Variants in CNBD1 observed in about 807,000 individuals in gnomAD.
The protein encoded by CNBD1 is cyclic nucleotide-binding domain-containing protein 1.
A neutral mutation model predicts 54.4 loss-of-function variants in CNBD1; 71 were observed. That is an observed-to-expected ratio of 1.30 (90% confidence interval 1.08 to 1.59). The LOEUF is 1.59. CNBD1 is among the 40% of genes most tolerant of loss of function. The pLI, the probability that CNBD1 is intolerant of heterozygous loss-of-function variation, is 0.00. For missense variants in CNBD1, 659 were observed against 518.0 expected, an observed-to-expected ratio of 1.27 and a Z score of -2.64; for synonymous variants, 182 against 170.7, an observed-to-expected ratio of 1.07 and a Z score of -0.51.
chr8:86,904,001 G>A (rs1808978325), intron 2 of CNBD1, among the ~76,000 whole-genome samples: 1 of 151,864 alleles, frequency 6.6e-6, no homozygotes, highest in South Asian at 2.1e-4. Context: ...ATCATATTGT[G>A]TTGTTTGAAT....
chr8:86,968,854 G>A (rs895616176), intron 4 of CNBD1, among the ~76,000 whole-genome samples: 2 of 152,192 alleles, frequency 1.3e-5, no homozygotes, highest in African/African-American at 2.4e-5. Context: ...TCTCAGGTGA[G>A]TGGAGGAATG....
intron 4 of CNBD1, among the ~76,000 whole-genome samples, chr8:87,162,635 A>G (rs1261849847): frequency 1.3e-5 from 2 of 152,084 alleles, no homozygotes; most frequent in African/African-American, 2.4e-5. Flanking sequence ...AAAAACATAA[A>G]TTAATTTTTC....
intron 8 of CNBD1, among the ~76,000 whole-genome samples, chr8:87,313,009 T>A (rs1809301661): frequency 6.6e-6 from 1 of 152,060 alleles, no homozygotes; most frequent in East Asian, 1.9e-4. Context: ...TTTTGAATTA[T>A]TTTCATTATG....
At chr8:87,399,696 C>T (rs909250279) in intron 2 of CNBD1, among the ~76,000 whole-genome samples, 1 of 151,976 alleles carries the variant, frequency 6.6e-6, no homozygotes, top group Non-Finnish European at 1.5e-5. Context: ...TAAGGCATCC[C>T]TGACCAGTGA....
intron 4 of CNBD1, among the ~76,000 whole-genome samples, chr8:87,006,398 C>A (rs1387748387): frequency 6.6e-6 from 1 of 152,018 alleles, no homozygotes; most frequent in Non-Finnish European, 1.5e-5. Context: ...GCCATTTTTG[C>A]ATTACTATAA....
At chr8:87,268,456 G>C (rs1010482735) in intron 6 of CNBD1, among the ~76,000 whole-genome samples, 5 of 151,918 alleles carry the variant, frequency 3.3e-5, no homozygotes, top group Non-Finnish European at 7.4e-5. Flanking sequence ...ATTTTCCTTT[G>C]GGTATATACC....
At chr8:86,976,431 T>G (rs1303371135) in intron 4 of CNBD1, among the ~76,000 whole-genome samples, 1 of 151,938 alleles carries the variant, frequency 6.6e-6, no homozygotes, top group Non-Finnish European at 1.5e-5. Flanking sequence ...GGGTTCAACT[T>G]TATTATTCTG....
At chr8:87,073,669 C>G (rs1669298854) in intron 4 of CNBD1, among the ~76,000 whole-genome samples, 1 of 152,106 alleles carries the variant, frequency 6.6e-6, no homozygotes, top group Non-Finnish European at 1.5e-5. Context: ...AAGATGGCAG[C>G]CTGCTCCTTC....
chr8:87,047,961 AG>A (rs1810233536), intron 4 of CNBD1, among the ~76,000 whole-genome samples: 1 of 152,170 alleles, frequency 6.6e-6, no homozygotes, highest in African/African-American at 2.4e-5. Context: ...TTTCAGTGTA[AG>A]GTGCCTGACT....
At chr8:87,014,905 T>C (rs1285059232) in intron 4 of CNBD1, among the ~76,000 whole-genome samples, 3 of 152,054 alleles carry the variant, frequency 2.0e-5, no homozygotes, top group East Asian at 3.9e-4. Context: ...AAGAATCTTG[T>C]ATGGTGAATT....
chr8:87,169,217 G>A (rs1813035127), intron 4 of CNBD1, among the ~76,000 whole-genome samples: 1 of 152,044 alleles, frequency 6.6e-6, no homozygotes, highest in African/African-American at 2.4e-5. Context: ...CCATTTGTAT[G>A]TCTTCAGATA....
Position 87,205,322 on chromosome 8 carries a change from A to T in CNBD1, c.432-671A>T, listed in dbSNP as rs149983767. Among the ~76,000 whole-genome samples, 72 of 152,224 alleles carry T rather than the reference A, an allele frequency of 4.7e-4. No individual in the cohort carries two copies. In the East Asian group the frequency reaches 0.012, roughly 25 times the overall value. ...GCTAGGATTACAGGCGTGAGCCACC[A>T]CGCCTGGCCAACTGCTGAGTATTTT... On this transcript the variant is annotated intron_variant, in intron 4 of 10. Coordinates refer to ENST00000518476, the MANE Select transcript of CNBD1 (RefSeq NM_173538.3).
chr8:87,332,350 GAAA>G (rs34418577), intron 8 of CNBD1, among the ~76,000 whole-genome samples: 5 of 116,396 alleles, frequency 4.3e-5, no homozygotes, highest in African/African-American at 9.5e-5. Flanking sequence ...TCTGTCTAAA[GAAA>G]AAAAAAAAAA....
chr8:86,980,606 C>G (rs1450954211), intron 4 of CNBD1, among the ~76,000 whole-genome samples: 1 of 152,112 alleles, frequency 6.6e-6, no homozygotes, highest in African/African-American at 2.4e-5. Context: ...CATTAAGAGT[C>G]AAAGGGATTG....
intron 4 of CNBD1, among the ~76,000 whole-genome samples, chr8:87,003,115 TAAAAG>T (rs1310813847): frequency 2.0e-5 from 3 of 152,094 alleles, no homozygotes; most frequent in Non-Finnish European, 4.4e-5. Flanking sequence ...TGCTTGAAAA[TAAAAG>T]GAATACTTTT....
chr8:87,177,554 G>A (rs1359530192), intron 4 of CNBD1, among the ~76,000 whole-genome samples: 2 of 152,108 alleles, frequency 1.3e-5, no homozygotes, highest in Admixed American at 6.5e-5. Flanking sequence ...ATCAGCATCT[G>A]CTCAAAAATG....
intron 2 of CNBD1, among the ~76,000 whole-genome samples, chr8:86,893,029 G>A (rs1454594880): frequency 6.6e-6 from 1 of 152,152 alleles, no homozygotes; most frequent in Non-Finnish European, 1.5e-5. Context: ...TGAGCTTCGA[G>A]CCATTAAACA....
intron 4 of CNBD1, among the ~76,000 whole-genome samples, chr8:87,034,657 C>T (rs977840730): frequency 6.6e-6 from 1 of 152,052 alleles, no homozygotes; most frequent in Non-Finnish European, 1.5e-5. Flanking sequence ...AACATAGACT[C>T]GTATATAATA....
In CNBD1 at chr8:87,371,402, A is replaced by C. The variant is rs965894397; in HGVS notation, c.1304-11218A>C. Among the ~76,000 whole-genome samples, 85 of 151,880 alleles carry C rather than the reference A, an allele frequency of 5.6e-4. 1 individual carries two copies. The East Asian group carries it at 9.6e-3, about 17-fold the overall frequency. ...ATTTGTTTGTATCCTCTTTTATTTCATTGAGCAGTGGTTTGTAATTCTCCT... is the reference window on the plus strand; with the variant it reads ...ATTTGTTTGTATCCTCTTTTATTTCCTTGAGCAGTGGTTTGTAATTCTCCT... On this transcript the variant is annotated intron_variant, in intron 10 of 10. Coordinates refer to ENST00000518476, the MANE Select transcript of CNBD1 (RefSeq NM_173538.3).
Sources: allele counts gnomAD v4.1 joint callset (sites outside exome capture counted in the v4.1 genomes callset), GRCh38; gene constraint gnomAD v4.1.1; transcripts MANE v1.5; gene names NCBI Gene and HGNC (gene_info 2026-07-23, HGNC 2026-07-21).